The following CSMD1 variants were observed in gnomAD, a reference collection of about 807,000 sequenced individuals.
The protein encoded by CSMD1 is CUB and sushi domain-containing protein 1.
In CSMD1, 213 loss-of-function variants were observed where a neutral mutation model predicts 417.5. The observed-to-expected ratio is 0.51, with a 90% confidence interval of 0.46 to 0.57. The LOEUF (loss-of-function observed/expected upper bound fraction) is 0.57. CSMD1 is among the 20% of genes least tolerant of loss of function. The pLI, the probability that CSMD1 is intolerant of heterozygous loss-of-function variation, is 0.00. For missense variants in CSMD1, 6,923 were observed against 4,529.7 expected, an observed-to-expected ratio of 1.53 and a Z score of -15.17; for synonymous variants, 2,862 against 1,736.8, an observed-to-expected ratio of 1.65 and a Z score of -16.11.
intron 7 of CSMD1, among the ~76,000 whole-genome samples, chr8:3,652,765 T>G (rs750723200): frequency 6.6e-6 from 1 of 152,180 alleles, no homozygotes; most frequent in African/African-American, 2.4e-5. Context: ...AAGGTGAGAT[T>G]TGGCTGGGAA....
At chr8:4,429,340 G>A (rs1178810256) in intron 2 of CSMD1, among the ~76,000 whole-genome samples, 3 of 151,876 alleles carry the variant, frequency 2.0e-5, no homozygotes, top group East Asian at 3.9e-4. Context: ...GTGTATATGT[G>A]TGTATACATA....
At chr8:3,772,682 C>A (rs34063000) in intron 5 of CSMD1, among the ~76,000 whole-genome samples, 1 of 143,198 alleles carries the variant, frequency 7.0e-6, no homozygotes, top group Admixed American at 7.1e-5. Context: ...TACATATATA[C>A]ATATATATAC....
At chr8:4,066,654 G>A (rs565553658) in intron 3 of CSMD1, among the ~76,000 whole-genome samples, 5 of 152,254 alleles carry the variant, frequency 3.3e-5, no homozygotes, top group South Asian at 4.2e-4. Flanking sequence ...GGATGTTTTT[G>A]CTCATCAAAC....
At chr8:3,367,925 T>C (rs1809705366) in intron 19 of CSMD1, among the ~76,000 whole-genome samples, 1 of 152,198 alleles carries the variant, frequency 6.6e-6, no homozygotes, top group African/African-American at 2.4e-5. Context: ...CAATTTACTC[T>C]AAACAGGTGT....
At chr8:3,774,165 C>T (rs1476129249) in intron 5 of CSMD1, among the ~76,000 whole-genome samples, 1 of 152,126 alleles carries the variant, frequency 6.6e-6, no homozygotes, top group Non-Finnish European at 1.5e-5. Context: ...TTATCTAAAG[C>T]CTTTTGTGAC....
chr8:4,483,443 G>C (rs547679736), intron 2 of CSMD1, among the ~76,000 whole-genome samples: 6 of 152,112 alleles, frequency 3.9e-5, no homozygotes, highest in African/African-American at 7.2e-5. Flanking sequence ...TTACCATTTA[G>C]AAAACCCCAA....
chr8:3,974,617 T>C (rs978481908), intron 5 of CSMD1, among the ~76,000 whole-genome samples: 3 of 152,042 alleles, frequency 2.0e-5, no homozygotes, highest in African/African-American at 7.2e-5. Context: ...TTACTAAACA[T>C]TCAGTAATTA....
At chr8:4,858,254 G>A (rs1368714003) in intron 1 of CSMD1, among the ~76,000 whole-genome samples, 1 of 150,878 alleles carries the variant, frequency 6.6e-6, no homozygotes, top group Non-Finnish European at 1.5e-5. Context: ...AGGTATTGAT[G>A]GGACGTATTT....
At chr8:3,222,435 G>A (rs944644054) in intron 28 of CSMD1, among the ~76,000 whole-genome samples, 2 of 151,852 alleles carry the variant, frequency 1.3e-5, no homozygotes, top group Non-Finnish European at 2.9e-5. Context: ...TCAGCCTCTC[G>A]AGTAGCTAGA....
chr8:3,418,496 G>C (rs551813559), intron 12 of CSMD1, among the ~76,000 whole-genome samples: 1 of 152,054 alleles, frequency 6.6e-6, no homozygotes, highest in Non-Finnish European at 1.5e-5. Flanking sequence ...TAATCATGGA[G>C]TCATATTTAC....
intron 1 of CSMD1, among the ~76,000 whole-genome samples, chr8:4,689,992 C>T (rs569731839): frequency 1.3e-5 from 2 of 152,016 alleles, no homozygotes; most frequent in South Asian, 2.1e-4. Context: ...GCTAAAGAAT[C>T]GTAATTTAAA....
chr8:3,670,680 T>C (rs946589168), intron 7 of CSMD1, among the ~76,000 whole-genome samples: 1 of 146,284 alleles, frequency 6.8e-6, no homozygotes, highest in African/African-American at 2.6e-5. Context: ...CATGGTTATA[T>C]ATGTATGGGA....
intron 6 of CSMD1, among the ~76,000 whole-genome samples, chr8:3,729,505 C>T (rs1183361942): frequency 1.3e-5 from 2 of 152,164 alleles, no homozygotes; most frequent in Admixed American, 1.3e-4. Context: ...CCCAGCAAGA[C>T]AGACTGTGGA....
chr8:3,719,238 T>C (rs1276486066), intron 6 of CSMD1, among the ~76,000 whole-genome samples: 1 of 151,502 alleles, frequency 6.6e-6, no homozygotes. Flanking sequence ...GTGTTCACCT[T>C]GCAAGGTGAA....
intron 3 of CSMD1, among the ~76,000 whole-genome samples, chr8:4,236,026 G>GCTTTTTT (rs1420352173): frequency 9.3e-5 from 10 of 108,070 alleles, no homozygotes; most frequent in African/African-American, 1.7e-4. Context: ...AATGGATATT[G>GCTTTTTT]TTTTTTTTGT....
intron 5 of CSMD1, among the ~76,000 whole-genome samples, chr8:3,754,756 C>G (rs577059638): frequency 1.3e-5 from 2 of 152,160 alleles, no homozygotes; most frequent in Non-Finnish European, 2.9e-5. Flanking sequence ...CGCCCGGCCA[C>G]AAGACTTACG....
intron 1 of CSMD1, among the ~76,000 whole-genome samples, chr8:4,928,337 C>G (rs765916355): frequency 6.6e-6 from 1 of 152,172 alleles, no homozygotes; most frequent in African/African-American, 2.4e-5. Context: ...TGCCACCATC[C>G]GGTATCACTG....
chr8:3,427,389 C>T (rs1813918168), intron 12 of CSMD1, among the ~76,000 whole-genome samples: 1 of 152,050 alleles, frequency 6.6e-6, no homozygotes, highest in African/African-American at 2.4e-5. Context: ...GTCCCTGTCT[C>T]CTATTTAATA....
intron 3 of CSMD1, among the ~76,000 whole-genome samples, chr8:4,054,886 G>T (rs2554530): frequency 6.6e-6 from 1 of 151,966 alleles, no homozygotes; most frequent in Non-Finnish European, 1.5e-5. Flanking sequence ...ACATACAAAG[G>T]CTACGTCTGC....
Sources: gnomAD v4.1 joint callset for allele counts (sites outside exome capture counted in the v4.1 genomes callset) on GRCh38, gnomAD v4.1.1 for gene constraint, MANE v1.5 for transcripts, NCBI Gene and HGNC (gene_info 2026-07-23, HGNC 2026-07-21) for gene names.